Variants in NLRP5 observed in about 807,000 individuals in gnomAD.
NLRP5 encodes NLR family pyrin domain containing 5, also known as NACHT, LRR and PYD domains-containing protein 5.
NLRP5 carries 93 observed loss-of-function variants against 113.1 expected under a neutral mutation model. The ratio of observed to expected loss-of-function variants is 0.82; its 90% CI spans 0.70 to 0.98. NLRP5 has a LOEUF of 0.98. Ranked by LOEUF, NLRP5 falls within the 50% of genes least tolerant of loss-of-function variation. The probability of loss-of-function intolerance (pLI) is 0.00; values close to 1 mark genes in which losing one functional copy is unlikely to be tolerated. For synonymous variants in NLRP5, 751 were observed against 600.7 expected, an observed-to-expected ratio of 1.25 and a Z score of -3.66; for missense variants, 1,808 against 1,514.3, an observed-to-expected ratio of 1.19 and a Z score of -3.22.
At chr19:55,991,331 A>C in the NLRP5 span, among the ~76,000 whole-genome samples, 1 of 152,312 alleles carries the variant, frequency 6.6e-6, no homozygotes, top group South Asian at 2.1e-4. Flanking sequence ...CAACAGAGTG[A>C]ATATCATTCT....
intron 12 of NLRP5, 149 bp from the exon 13 acceptor site, chr19:56,053,489 C>G: frequency 1.7e-6 from 1 of 583,450 alleles, no homozygotes; most frequent in Middle Eastern, 4.6e-4. Flanking sequence ...CAACAGATAC[C>G]ACGTGGTCTA....
intron 9 of NLRP5, among the ~76,000 whole-genome samples, chr19:56,035,018 A>C (rs1379686569): frequency 6.6e-6 from 1 of 152,160 alleles, no homozygotes; most frequent in African/African-American, 2.4e-5. Context: ...AGCTCACTGC[A>C]ACGTCCACCT....
chr19:56,010,499 C>T (rs1294409997), intron 3 of NLRP5, among the ~76,000 whole-genome samples: 1 of 151,894 alleles, frequency 6.6e-6, no homozygotes, highest in Non-Finnish European at 1.5e-5. Context: ...AATCCCAGCA[C>T]TTTGGGAGGC....
At chr19:56,029,034 G>A (rs904365060) in intron 7 of NLRP5, among the ~76,000 whole-genome samples, 1 of 152,022 alleles carries the variant, frequency 6.6e-6, no homozygotes, top group East Asian at 1.9e-4. Context: ...CAAAGTGCTG[G>A]GATTACAGGC....
intron 6 of NLRP5, among the ~76,000 whole-genome samples, chr19:56,023,590 G>T (rs140106500): frequency 3.9e-4 from 59 of 152,248 alleles, no homozygotes; most frequent in African/African-American, 1.3e-3. Flanking sequence ...AAGTAGCCTA[G>T]AGATGACTTA....
chr19:56,013,245 T>C (rs1421643369), intron 3 of NLRP5, among the ~76,000 whole-genome samples: 1 of 152,146 alleles, frequency 6.6e-6, no homozygotes, highest in Non-Finnish European at 1.5e-5. Context: ...GAGGCTGGAG[T>C]GCAGTGGTGC....
chr19:56,052,874 C>G (rs1983982662), intron 12 of NLRP5, among the ~76,000 whole-genome samples: 1 of 152,188 alleles, frequency 6.6e-6, no homozygotes, highest in Non-Finnish European at 1.5e-5. Context: ...TTCTCCTCCT[C>G]CCCCGTGGAG....
At chr19:56,055,947 C>G (rs577461542) in intron 13 of NLRP5, among the ~76,000 whole-genome samples, 18 of 152,284 alleles carry the variant, frequency 1.2e-4, no homozygotes, top group Non-Finnish European at 7.4e-5. Flanking sequence ...TCTCCACCCT[C>G]TCTGCTCTTT....
upstream of NLRP5, among the ~76,000 whole-genome samples, chr19:55,994,942 C>T (rs1568476695): frequency 5.9e-5 from 9 of 152,130 alleles, no homozygotes; most frequent in Admixed American, 5.2e-4. Flanking sequence ...AGACAGGGGT[C>T]TAGTTTAATT....
intron 3 of NLRP5, 89 bp downstream of exon 3, chr19:56,008,942 T>A: frequency 8.8e-7 from 1 of 1,130,206 alleles, no homozygotes; most frequent in South Asian, 1.3e-5. Flanking sequence ...CCATGACTTC[T>A]GATAGTCTAG....
upstream of NLRP5, among the ~76,000 whole-genome samples, chr19:55,997,558 A>C (rs1202841060): frequency 6.6e-6 from 1 of 152,150 alleles, no homozygotes; most frequent in Non-Finnish European, 1.5e-5. Context: ...GTAGCTGGGC[A>C]TGGTGGCTCA....
chr19:55,991,746 TC>T, the NLRP5 span, among the ~76,000 whole-genome samples: 7 of 152,276 alleles, frequency 4.6e-5, no homozygotes, highest in South Asian at 8.3e-4. Flanking sequence ...CTTTTATACC[TC>T]CTCTTTATCT....
At chr19:56,045,699 G>A (rs995586860) in intron 11 of NLRP5, among the ~76,000 whole-genome samples, 6 of 152,120 alleles carry the variant, frequency 3.9e-5, no homozygotes, top group African/African-American at 1.4e-4. Context: ...AGTTTTATCG[G>A]TTAGGGATAA....
chr19:55,998,892 C>T (rs1981489047), upstream of NLRP5, among the ~76,000 whole-genome samples: 1 of 151,276 alleles, frequency 6.6e-6, no homozygotes, highest in African/African-American at 2.4e-5. Context: ...CTAACATGTC[C>T]ATTGCCTTAG....
chr19:56,048,267 G>A (rs1478354497), intron 11 of NLRP5, among the ~76,000 whole-genome samples: 1 of 152,048 alleles, frequency 6.6e-6, no homozygotes, highest in Non-Finnish European at 1.5e-5. Flanking sequence ...TTTGTTGCCT[G>A]TGTACCTTGG....
intron 1 of NLRP5, among the ~76,000 whole-genome samples, chr19:56,000,362 T>G (rs1408637564): frequency 5.1e-5 from 1 of 19,494 alleles, no homozygotes; most frequent in Non-Finnish European, 1.1e-4. Context: ...TCACCTCATG[T>G]TTTTTTTTGT....
chr19:56,036,035 A>G lies in NLRP5; in HGVS notation c.2616-1990A>G, dbSNP rs1030366084. Among the ~76,000 whole-genome samples the G allele has an allele frequency of 1.5e-4, 22 of 146,060 alleles. 1 individual carries two copies. The highest frequency in any genetic ancestry group is 3.0e-5 in the Non-Finnish European group (2 of 67,148). Reference sequence around the variant, plus strand: ...TAGTACTACGACATGTTCCTGGGACATGCTGATGAATGAATTGAGATTCTT... The same window carrying G: ...TAGTACTACGACATGTTCCTGGGACGTGCTGATGAATGAATTGAGATTCTT... On this transcript the variant is annotated intron_variant, in intron 9 of 14. Transcript: ENST00000390649.
upstream of NLRP5, among the ~76,000 whole-genome samples, chr19:55,999,357 G>C (rs1981528011): frequency 6.6e-6 from 1 of 151,728 alleles, no homozygotes; most frequent in Non-Finnish European, 1.5e-5. Flanking sequence ...TGGGGTTACA[G>C]GTGCGCGCCA....
At chr19:56,025,915 G>A (rs570730658) in intron 6 of NLRP5, among the ~76,000 whole-genome samples, 51 of 152,174 alleles carry the variant, frequency 3.4e-4, no homozygotes, top group African/African-American at 7.2e-4. Context: ...TTCCCACAGA[G>A]TGCCAGGCAC....
Sources: allele counts gnomAD v4.1 joint callset (sites outside exome capture counted in the v4.1 genomes callset), GRCh38; gene constraint gnomAD v4.1.1; transcripts MANE v1.5; gene names NCBI Gene and HGNC (gene_info 2026-07-23, HGNC 2026-07-21).